The following EYA1 variants were observed in gnomAD, a reference collection of about 807,000 sequenced individuals.
EYA1 encodes the protein EYA transcriptional coactivator and phosphatase 1, also known as protein phosphatase EYA1.
EYA1 carries 16 observed loss-of-function variants against 82.0 expected under a neutral mutation model. That is an observed-to-expected ratio of 0.20 (90% CI 0.13 to 0.30). EYA1 has a LOEUF of 0.30. EYA1 is among the 10% of genes least tolerant of loss of function. The pLI is 1.00. For missense variants in EYA1, 633 were observed against 730.7 expected, an observed-to-expected ratio of 0.87 and a Z score of 1.54; for synonymous variants, 261 against 264.4, an observed-to-expected ratio of 0.99 and a Z score of 0.12.
chr8:71,443,630 A>G (rs1424103734), intron 2 of EYA1, among the ~76,000 whole-genome samples: 1 of 152,178 alleles, frequency 6.6e-6, no homozygotes, highest in Non-Finnish European at 1.5e-5. Context: ...ACAGGCCTCT[A>G]CAACACTGAT....
chr8:71,304,153 C>G lies in EYA1; in HGVS notation c.557-4433G>C, dbSNP rs956749793. Among the ~76,000 whole-genome samples, 2 of 142,366 alleles carry G rather than the reference C, an allele frequency of 1.4e-5. 1 individual carries two copies. Among genetic ancestry groups the G allele is most frequent in the Admixed American group, 1.4e-4 (2 of 14,318 alleles). The allele number at this position is 142,366 out of a possible 152,430, so 93.4% of individuals were successfully genotyped here. ...AGTGTTAGAAGCAAAATAGAAGTGA[C>G]AAGAACAAATAATAATACTTAAACA... On this transcript the variant is annotated intron_variant, in intron 7 of 17. Transcript: ENST00000340726.
At chr8:71,219,191 G>A (rs1481800) in intron 12 of EYA1, among the ~76,000 whole-genome samples, 65,168 of 151,892 alleles carry the variant, frequency 0.43, 16,555 homozygotes, top group East Asian at 0.75. Context: ...TTTGTTCCCA[G>A]GCTGAGGACT....
chr8:71,281,724 C>T (rs1255681549), intron 9 of EYA1, among the ~76,000 whole-genome samples: 1 of 152,202 alleles, frequency 6.6e-6, no homozygotes, highest in Non-Finnish European at 1.5e-5. Flanking sequence ...TCAGCTGGGC[C>T]TGCAACTTGG....
intron 2 of EYA1, among the ~76,000 whole-genome samples, chr8:71,461,626 T>G (rs989396710): frequency 6.6e-6 from 1 of 152,200 alleles, no homozygotes; most frequent in East Asian, 1.9e-4. Context: ...GTTTCAGCCC[T>G]GTTTGTGTTA....
intron 2 of EYA1, among the ~76,000 whole-genome samples, chr8:71,428,810 G>A (rs796227389): frequency 3.9e-5 from 6 of 152,190 alleles, no homozygotes; most frequent in African/African-American, 1.4e-4. Flanking sequence ...AGTCATTGTG[G>A]CATTTCCTTT....
At chr8:71,465,340 A>G (rs937360450) in intron 2 of EYA1, among the ~76,000 whole-genome samples, 1 of 152,198 alleles carries the variant, frequency 6.6e-6, no homozygotes, top group African/African-American at 2.4e-5. Context: ...AAGGAAGAAG[A>G]GGCCGGGTGT....
At chr8:71,522,833 C>T (rs1813503111) in intron 2 of EYA1, among the ~76,000 whole-genome samples, 1 of 152,084 alleles carries the variant, frequency 6.6e-6, no homozygotes, top group Non-Finnish European at 1.5e-5. Flanking sequence ...TGGCCCTGAG[C>T]TTCTAGGTTC....
intron 2 of EYA1, among the ~76,000 whole-genome samples, chr8:71,450,419 T>C (rs922517635): frequency 6.6e-6 from 1 of 152,132 alleles, no homozygotes; most frequent in African/African-American, 2.4e-5. Context: ...GCAAGGAAGA[T>C]GGGAGAGCGG....
At chr8:71,281,287 C>T (rs2128969135) in intron 9 of EYA1, among the ~76,000 whole-genome samples, 1 of 152,292 alleles carries the variant, frequency 6.6e-6, no homozygotes, top group African/African-American at 2.4e-5. Context: ...CCACCTCATA[C>T]TCACAATGGG....
chr8:71,236,055 T>A (rs1811793637), intron 12 of EYA1, among the ~76,000 whole-genome samples: 1 of 152,196 alleles, frequency 6.6e-6, no homozygotes, highest in Non-Finnish European at 1.5e-5. Flanking sequence ...TTTATTTTAT[T>A]TTTTTGAAAT....
chr8:71,343,405 A>G (rs529063425), intron 3 of EYA1, among the ~76,000 whole-genome samples: 18 of 152,180 alleles, frequency 1.2e-4, no homozygotes, highest in Non-Finnish European at 2.2e-4. Flanking sequence ...AGGTAATTGG[A>G]TCACAAGCGC....
chr8:71,432,533 T>A (rs1004779146), intron 2 of EYA1, among the ~76,000 whole-genome samples: 6 of 152,182 alleles, frequency 3.9e-5, no homozygotes, highest in African/African-American at 7.2e-5. Context: ...GGAGCCTCTC[T>A]CCTTGGCTTA....
At chr8:71,502,016 A>G (rs1000273821) in intron 2 of EYA1, among the ~76,000 whole-genome samples, 17 of 152,206 alleles carry the variant, frequency 1.1e-4, no homozygotes, top group African/African-American at 3.9e-4. Context: ...TGAGATATGC[A>G]TGTCAAAGTA....
chr8:71,440,340 G>A (rs767396330), intron 2 of EYA1, among the ~76,000 whole-genome samples: 7 of 152,140 alleles, frequency 4.6e-5, no homozygotes, highest in Non-Finnish European at 1.0e-4. Flanking sequence ...AGATCATTCT[G>A]GCAGTAGTGA....
At chr8:71,291,296 G>A (rs907165269) in intron 9 of EYA1, among the ~76,000 whole-genome samples, 14 of 152,142 alleles carry the variant, frequency 9.2e-5, no homozygotes, top group African/African-American at 1.9e-4. Flanking sequence ...TTTTTCAGGC[G>A]CTTTGCTCTA....
intron 12 of EYA1, among the ~76,000 whole-genome samples, chr8:71,233,291 G>A (rs1468031027): frequency 1.3e-5 from 2 of 151,994 alleles, no homozygotes; most frequent in Non-Finnish European, 1.5e-5. Context: ...TCTGCCGGGT[G>A]CGGTGGCTCA....
intron 12 of EYA1, chr8:71,225,354 C>G (rs777034447): frequency 2.2e-6 from 1 of 455,742 alleles, no homozygotes; most frequent in Non-Finnish European, 4.4e-6. Flanking sequence ...CACTGGCAAT[C>G]GCTGGCAGAC....
intron 12 of EYA1, among the ~76,000 whole-genome samples, chr8:71,233,563 C>CAA (rs767423332): frequency 7.7e-5 from 5 of 64,634 alleles, no homozygotes; most frequent in African/African-American, 1.1e-4. Flanking sequence ...GACTCCGTCT[C>CAA]AAAAAAAAAA....
intron 9 of EYA1, among the ~76,000 whole-genome samples, chr8:71,283,264 G>A (rs1818020309): frequency 1.3e-5 from 2 of 152,036 alleles, no homozygotes; most frequent in Non-Finnish European, 2.9e-5. Context: ...AGATATTAAG[G>A]TGGCTCTCTC....
Sources: gnomAD v4.1 joint callset for allele counts (sites outside exome capture counted in the v4.1 genomes callset) on GRCh38, gnomAD v4.1.1 for gene constraint, MANE v1.5 for transcripts, NCBI Gene and HGNC (gene_info 2026-07-23, HGNC 2026-07-21) for gene names.